The following GABRR2 variants were observed in gnomAD, a reference collection of about 807,000 sequenced individuals.
GABRR2 encodes the protein gamma-aminobutyric acid receptor subunit rho-2.
GABRR2 carries 36 observed loss-of-function variants against 47.0 expected under a neutral mutation model. That is an observed-to-expected ratio of 0.77 (90% CI 0.59 to 1.01). The LOEUF (loss-of-function observed/expected upper bound fraction) is 1.01. GABRR2 is among the 50% of genes least tolerant of loss of function. The probability of loss-of-function intolerance (pLI) is 0.00; values close to 1 mark genes in which losing one functional copy is unlikely to be tolerated. For missense variants in GABRR2, 587 were observed against 594.6 expected (o/e 0.99, Z 0.13); for synonymous variants, 204 against 227.5 (o/e 0.90, Z 0.93).
At chr6:89,276,755 T>A (rs1774169964) in intron 2 of GABRR2, among the ~76,000 whole-genome samples, 1 of 152,196 alleles carries the variant, frequency 6.6e-6, no homozygotes, top group Non-Finnish European at 1.5e-5. Context: ...GATAAACTAT[T>A]AGACTGATAA....
chr6:89,290,412 C>A (rs1188890567), intron 2 of GABRR2, among the ~76,000 whole-genome samples: 2 of 152,250 alleles, frequency 1.3e-5, no homozygotes, highest in Admixed American at 1.3e-4. Flanking sequence ...CTCTCAGGAC[C>A]AGGGGCAGGC....
chr6:89,270,126 T>G lies in GABRR2; in HGVS notation c.289-892A>C, dbSNP rs1385524706. 2.0e-5 allele frequency among the ~76,000 whole-genome samples: 3 copies of G among 152,152 alleles called. No homozygotes were observed. In the East Asian group the frequency reaches 5.8e-4, roughly 29 times the overall value. On this transcript the variant is annotated intron_variant, in intron 3 of 8. Coordinates refer to ENST00000402938, the MANE Select transcript of GABRR2 (RefSeq NM_002043.5). ...TCCTGGCTCCCAGTGCATCAGCAGC[T>G]GCCAGGAACTCCCCCTCCACACACA...
chr6:89,255,650 A>C lies in GABRR2; in HGVS notation c.*2020T>G, dbSNP rs1027677701. The stretch of plus-strand genomic sequence containing the variant: ...GTGTTGTGGAAAAAGCTAGTCGCTC[A>C]CCTCCTCTTATCACAGCCTAGGATC... On this transcript the variant is annotated 3_prime_UTR_variant, in exon 9 of 9. Transcript: ENST00000402938. Among the ~76,000 whole-genome samples the C allele has an allele frequency of 1.3e-5, 2 of 151,964 alleles. No homozygotes were observed. Among genetic ancestry groups the C allele is most frequent in the African/African-American group, 4.8e-5 (2 of 41,324 alleles).
chr6:89,276,117 CATT>C (rs1450609211), intron 2 of GABRR2, among the ~76,000 whole-genome samples: 6 of 146,678 alleles, frequency 4.1e-5, no homozygotes, highest in South Asian at 4.3e-4. Context: ...CATTATAAAT[CATT>C]ATTTATATTA....
At chr6:89,312,046 GGCA>G (rs1767690616) in intron 1 of GABRR2, among the ~76,000 whole-genome samples, 1 of 152,202 alleles carries the variant, frequency 6.6e-6, no homozygotes, top group Non-Finnish European at 1.5e-5. Context: ...GTAGTGAGGA[GGCA>G]GCAGATGGGG....
At chr6:89,270,231 GA>G (rs1562360083) in intron 3 of GABRR2, among the ~76,000 whole-genome samples, 1 of 152,242 alleles carries the variant, frequency 6.6e-6, no homozygotes, top group Non-Finnish European at 1.5e-5. Context: ...TCACAAAGCT[GA>G]AGAGCAGGCT....
At chr6:89,314,538 C>T (rs943013548) in intron 1 of GABRR2, among the ~76,000 whole-genome samples, 5 of 152,110 alleles carry the variant, frequency 3.3e-5, no homozygotes, top group African/African-American at 9.7e-5. Flanking sequence ...TTCTGAACAC[C>T]TCTTCTAAGA....
At chr6:89,296,381 A>G (rs1351651419) in intron 2 of GABRR2, among the ~76,000 whole-genome samples, 1 of 152,164 alleles carries the variant, frequency 6.6e-6, no homozygotes, top group African/African-American at 2.4e-5. Context: ...GTACCTCACT[A>G]TGTGCTCTCC....
At chr6:89,308,110 C>T (rs185409251) in intron 1 of GABRR2, among the ~76,000 whole-genome samples, 243 of 152,282 alleles carry the variant, frequency 1.6e-3, no homozygotes, top group Non-Finnish European at 2.7e-3. Flanking sequence ...CCACCGCGCT[C>T]GGCCTTCATT....
chr6:89,289,374 C>A (rs890078253), intron 2 of GABRR2, among the ~76,000 whole-genome samples: 1 of 152,094 alleles, frequency 6.6e-6, no homozygotes, highest in Non-Finnish European at 1.5e-5. Flanking sequence ...AGTGAACCTG[C>A]CTAAGAGATA....
intron 2 of GABRR2, among the ~76,000 whole-genome samples, chr6:89,281,040 T>C (rs3777526): frequency 0.14 from 20,998 of 152,266 alleles, 1,471 homozygotes; most frequent in Non-Finnish European, 0.15. Flanking sequence ...AGGGTCACGA[T>C]ATTTAAAGAA....
At chr6:89,311,241 C>T (rs1325081290) in intron 1 of GABRR2, among the ~76,000 whole-genome samples, 2 of 152,218 alleles carry the variant, frequency 1.3e-5, no homozygotes, top group Admixed American at 6.5e-5. Flanking sequence ...TAAGTGCAGC[C>T]GGCTCACTGC....
At chr6:89,269,795 C>T (rs889638667) in intron 3 of GABRR2, among the ~76,000 whole-genome samples, 2 of 152,170 alleles carry the variant, frequency 1.3e-5, no homozygotes, top group East Asian at 1.9e-4. Context: ...GTTGAAAGAT[C>T]GGGGAGATAA....
At position 89,299,861 on chromosome 6, in the gene GABRR2, A is replaced by G; in HGVS notation, c.118T>C (p.Leu40=). The change falls in exon 2 of 9, where the codon TTA becomes CTA. Residue 40 remains leucine (L), a synonymous_variant. Coordinates refer to ENST00000402938, the MANE Select transcript of GABRR2 (RefSeq NM_002043.5). ...GQVEMPKPSH[L]YKKNLDVTKI... ...GTCACATCAAGGTTCTTCTTATATA[A>G]GTGACTGTGAAGACAAGCAAGAAAC... is the stretch of plus-strand genomic sequence containing the variant. 2 of 1,604,388 alleles carry G rather than the reference A, an allele frequency of 1.2e-6. No homozygotes were observed. The highest frequency in any genetic ancestry group is 1.7e-6 in the Non-Finnish European group (2 of 1,171,180).
intron 8 of GABRR2, among the ~76,000 whole-genome samples, chr6:89,262,938 A>G (rs559213777): frequency 6.6e-6 from 1 of 152,370 alleles, no homozygotes; most frequent in South Asian, 2.1e-4. Flanking sequence ...CAGACCTAAC[A>G]CTAAAATGAA....
Position 89,292,748 on chromosome 6 carries a change from ATATATCGTATATAC to A in GABRR2, c.220+6997_220+7010del, listed in dbSNP as rs1424601416. On this transcript the variant is annotated intron_variant, in intron 2 of 8. Transcript: ENST00000402938. ...TATCGTATATATCATATATAATCGT[ATATATCGTATATAC>A]GATATATCGTATATATCGTATATAC... Among the ~76,000 whole-genome samples the A allele has an allele frequency of 1.8e-4, 17 of 95,698 alleles. 1 individual carries two copies. Among genetic ancestry groups the A allele is most frequent in the African/African-American group, 4.9e-4 (11 of 22,392 alleles). 62.8% of individuals were successfully genotyped at this position (95,698 alleles called of 152,430 possible).
chr6:89,307,692 T>C (rs1017290797), intron 1 of GABRR2, among the ~76,000 whole-genome samples: 1 of 152,232 alleles, frequency 6.6e-6, no homozygotes, highest in Non-Finnish European at 1.5e-5. Flanking sequence ...CCTCAGGGCC[T>C]GTGACTGTTG....
chr6:89,263,478 G>C (rs1443488242), intron 8 of GABRR2, among the ~76,000 whole-genome samples: 1 of 152,138 alleles, frequency 6.6e-6, no homozygotes, highest in Non-Finnish European at 1.5e-5. Context: ...ATCGACTGTA[G>C]TATAATATAG....
At chr6:89,263,868 G>GA (rs1554195648) in intron 8 of GABRR2, among the ~76,000 whole-genome samples, 2 of 151,476 alleles carry the variant, frequency 1.3e-5, no homozygotes, top group Non-Finnish European at 2.9e-5. Context: ...CACATAAAAG[G>GA]TTTTTTTTTA....
Sources: allele counts gnomAD v4.1 joint callset (sites outside exome capture counted in the v4.1 genomes callset), GRCh38; gene constraint gnomAD v4.1.1; transcripts MANE v1.5; gene names NCBI Gene and HGNC (gene_info 2026-07-23, HGNC 2026-07-21).